NPAS3: variants seen among roughly 807,000 people sequenced by gnomAD.
NPAS3 encodes neuronal PAS domain protein 3.
In NPAS3, 14 loss-of-function variants were observed where a neutral mutation model predicts 73.1. The observed-to-expected ratio is 0.19, with a 90% CI of 0.13 to 0.30. The LOEUF is 0.30. NPAS3 is among the 10% of genes least tolerant of loss of function. The probability of loss-of-function intolerance (pLI) is 1.00; values close to 1 mark genes in which losing one functional copy is unlikely to be tolerated. For missense variants in NPAS3, 1,096 were observed against 1,250.0 expected (o/e 0.88, Z 1.86); for synonymous variants, 620 against 541.5 (o/e 1.14, Z -2.01).
At chr14:33,241,170 C>G (rs910931772) in intron 3 of NPAS3, among the ~76,000 whole-genome samples, 3 of 151,786 alleles carry the variant, frequency 2.0e-5, no homozygotes, top group African/African-American at 7.2e-5. Context: ...ATATACTATG[C>G]CTGGTGAACT....
At chr14:33,496,843 T>C (rs537410987) in intron 4 of NPAS3, among the ~76,000 whole-genome samples, 225 of 152,278 alleles carry the variant, frequency 1.5e-3, no homozygotes, top group African/African-American at 4.1e-3. Context: ...TTGGAAGTTC[T>C]GGCCAGGGCA....
chr14:33,405,259 G>C (rs1275604557), intron 4 of NPAS3, among the ~76,000 whole-genome samples: 1 of 152,022 alleles, frequency 6.6e-6, no homozygotes, highest in Non-Finnish European at 1.5e-5. Context: ...CCATGGTATA[G>C]AACAGGTGTT....
At chr14:33,705,402 T>C (rs1474319146) in intron 6 of NPAS3, among the ~76,000 whole-genome samples, 1 of 152,218 alleles carries the variant, frequency 6.6e-6, no homozygotes, top group African/African-American at 2.4e-5. Context: ...GAAGATATGT[T>C]GCTAACCCTG....
intron 4 of NPAS3, among the ~76,000 whole-genome samples, chr14:33,379,694 A>G (rs1177133941): frequency 6.6e-6 from 1 of 152,070 alleles, no homozygotes; most frequent in African/African-American, 2.4e-5. Flanking sequence ...AAAGATTGTG[A>G]ATGGGTGGGT....
At chr14:33,507,133 T>C (rs1291618982) in intron 4 of NPAS3, among the ~76,000 whole-genome samples, 1 of 151,992 alleles carries the variant, frequency 6.6e-6, no homozygotes, top group Non-Finnish European at 1.5e-5. Flanking sequence ...GTAATGAGCA[T>C]GTGGAGTTTG....
chr14:32,955,727 C>G (rs1173234380), intron 1 of NPAS3, among the ~76,000 whole-genome samples: 1 of 152,068 alleles, frequency 6.6e-6, no homozygotes. Flanking sequence ...AAATGAATTC[C>G]AGTTCTAATT....
At chr14:33,106,788 T>C (rs2042735095) in intron 2 of NPAS3, among the ~76,000 whole-genome samples, 1 of 152,190 alleles carries the variant, frequency 6.6e-6, no homozygotes, top group South Asian at 2.1e-4. Context: ...GTTCATACTA[T>C]AAATTATGAT....
chr14:33,205,354 T>C (rs2046783734), intron 2 of NPAS3, among the ~76,000 whole-genome samples: 1 of 152,198 alleles, frequency 6.6e-6, no homozygotes, highest in Non-Finnish European at 1.5e-5. Context: ...GCAGTAAATA[T>C]CCTTTTTGGC....
chr14:33,276,485 C>A (rs1245852725), intron 3 of NPAS3, among the ~76,000 whole-genome samples: 1 of 151,904 alleles, frequency 6.6e-6, no homozygotes, highest in Non-Finnish European at 1.5e-5. Flanking sequence ...TAATGGTGTC[C>A]CAGTTTTAAT....
chr14:33,218,359 A>G (rs953494114), intron 3 of NPAS3, among the ~76,000 whole-genome samples: 6 of 152,088 alleles, frequency 3.9e-5, no homozygotes, highest in Admixed American at 6.6e-5. Context: ...ACTTTCTATA[A>G]ACTGGTTCTA....
chr14:33,162,043 A>T (rs2044911118), intron 2 of NPAS3, among the ~76,000 whole-genome samples: 3 of 152,236 alleles, frequency 2.0e-5, no homozygotes. Context: ...CATTCCTGGC[A>T]GAGAGTAGGC....
At chr14:33,023,086 C>G (rs910472493) in intron 1 of NPAS3, among the ~76,000 whole-genome samples, 1 of 150,266 alleles carries the variant, frequency 6.7e-6, no homozygotes, top group African/African-American at 2.5e-5. Context: ...GTGGCAAACA[C>G]AAATTTAAAA....
chr14:32,958,925 G>T (rs374233116), intron 1 of NPAS3, among the ~76,000 whole-genome samples: 12 of 152,192 alleles, frequency 7.9e-5, no homozygotes, highest in Admixed American at 2.6e-4. Flanking sequence ...TGTAAGTCAG[G>T]AGTGTCCAAT....
chr14:33,407,963 A>G (rs1474045437), intron 4 of NPAS3, among the ~76,000 whole-genome samples: 1 of 152,190 alleles, frequency 6.6e-6, no homozygotes, highest in Non-Finnish European at 1.5e-5. Flanking sequence ...AAAACAAAAG[A>G]TGAACATCAA....
chr14:33,493,658 C>T (rs1400985088), intron 4 of NPAS3, among the ~76,000 whole-genome samples: 3 of 152,114 alleles, frequency 2.0e-5, no homozygotes, highest in Admixed American at 2.0e-4. Flanking sequence ...GAGGGAGGGG[C>T]TAGCCCCTTT....
At chr14:33,610,831 A>G (rs2297116) in intron 5 of NPAS3, among the ~76,000 whole-genome samples, 57,315 of 152,004 alleles carry the variant, frequency 0.38, 11,970 homozygotes, top group East Asian at 0.67. Flanking sequence ...GAGAGGTTGA[A>G]AACAATACTG....
chr14:33,366,334 A>G (rs1483660342), intron 3 of NPAS3, among the ~76,000 whole-genome samples: 1 of 152,154 alleles, frequency 6.6e-6, no homozygotes, highest in African/African-American at 2.4e-5. Flanking sequence ...GTAAAAAAAA[A>G]AAATCATAAA....
intron 6 of NPAS3, among the ~76,000 whole-genome samples, chr14:33,698,102 A>G (rs1381791164): frequency 6.6e-6 from 1 of 152,222 alleles, no homozygotes. Flanking sequence ...AAGAGCTCAC[A>G]TGCAGACCTG....
chr14:33,520,020 T>C (rs1225241855), intron 4 of NPAS3, among the ~76,000 whole-genome samples: 2 of 152,102 alleles, frequency 1.3e-5, no homozygotes, highest in Non-Finnish European at 2.9e-5. Flanking sequence ...CCACCCATCA[T>C]CTATCCTCCT....
Sources: gnomAD v4.1 joint callset for allele counts (sites outside exome capture counted in the v4.1 genomes callset) on GRCh38, gnomAD v4.1.1 for gene constraint, MANE v1.5 for transcripts, NCBI Gene and HGNC (gene_info 2026-07-23, HGNC 2026-07-21) for gene names.